Variants in NIPBL observed in about 807,000 individuals in gnomAD.
NIPBL encodes nipped-B-like protein.
A neutral mutation model predicts 321.8 loss-of-function variants in NIPBL; 19 were observed. The ratio of observed to expected loss-of-function variants is 0.06; its 90% CI spans 0.04 to 0.09. NIPBL has a LOEUF of 0.09. Among genes scored for constraint, NIPBL ranks in the 10% least tolerant of loss-of-function variants. The pLI is 1.00. For missense variants in NIPBL, 2,210 were observed against 3,327.0 expected (o/e 0.66, Z 8.26); for synonymous variants, 1,106 against 1,114.1 (o/e 0.99, Z 0.14).
In NIPBL at chr5:37,032,997, C is replaced by G. The variant is rs183393325; in HGVS notation, c.5863-3382C>G. ...AAAAAAATTTTATGCACCTTGATTA[C>G]TTCTTATTTATATTATAAGTGCATG... On this transcript the variant is annotated intron_variant, in intron 32 of 46. Coordinates refer to ENST00000282516, the MANE Select transcript of NIPBL (RefSeq NM_133433.4). Among the ~76,000 whole-genome samples, 1,044 of 152,238 alleles carry G rather than the reference C, an allele frequency of 6.9e-3. 9 individuals carry two copies. The highest frequency in any genetic ancestry group is 0.024 in the African/African-American group (985 of 41,546).
chr5:36,940,858 C>T (rs189871857), intron 1 of NIPBL, among the ~76,000 whole-genome samples: 65 of 152,110 alleles, frequency 4.3e-4, no homozygotes, highest in Non-Finnish European at 7.4e-4. Context: ...ATATGTTAAG[C>T]ACTATGTTAG....
chr5:37,050,720 C>T (rs1393528977), intron 40 of NIPBL, among the ~76,000 whole-genome samples: 3 of 152,074 alleles, frequency 2.0e-5, no homozygotes, highest in African/African-American at 4.8e-5. Context: ...CTTACAAAAC[C>T]GTAATATAAT....
chr5:37,024,828 C>G (rs868685604), intron 30 of NIPBL, 109 bp downstream of exon 30: 4 of 831,250 alleles, frequency 4.8e-6, no homozygotes, highest in Non-Finnish European at 7.3e-6. Flanking sequence ...TACAATGAAT[C>G]GTTTATAGTT....
At chr5:36,914,800 A>G (rs923624635) in intron 1 of NIPBL, among the ~76,000 whole-genome samples, 12 of 152,222 alleles carry the variant, frequency 7.9e-5, no homozygotes, top group Non-Finnish European at 1.3e-4. Flanking sequence ...AAAACTATAT[A>G]ATAAATGTAA....
chr5:36,938,550 T>G (rs1738712024), intron 1 of NIPBL, among the ~76,000 whole-genome samples: 1 of 152,152 alleles, frequency 6.6e-6, no homozygotes, highest in Admixed American at 6.5e-5. Context: ...GTAAAAACAT[T>G]TAAAACCTTA....
intron 10 of NIPBL, among the ~76,000 whole-genome samples, chr5:36,990,098 G>T (rs942312488): frequency 1.3e-5 from 2 of 151,980 alleles, no homozygotes; most frequent in South Asian, 4.1e-4. Flanking sequence ...CGTATTATTT[G>T]TTATTTGACA....
chr5:37,027,641 C>T (rs866643308), intron 32 of NIPBL, among the ~76,000 whole-genome samples: 2 of 112,208 alleles, frequency 1.8e-5, no homozygotes, highest in African/African-American at 3.6e-5. Context: ...GGTGGAGTCT[C>T]GCTCTCTCAC....
chr5:37,053,873 C>T (rs1372632533), intron 42 of NIPBL, among the ~76,000 whole-genome samples: 1 of 152,140 alleles, frequency 6.6e-6, no homozygotes, highest in African/African-American at 2.4e-5. Context: ...ACACAGAGCA[C>T]GCATGAACCT....
At chr5:37,058,798 T>C (rs1394488232) in intron 43 of NIPBL, 93 bp from the exon 44 acceptor site, 1 of 1,121,180 alleles carries the variant, frequency 8.9e-7, no homozygotes, top group African/African-American at 1.6e-5. Flanking sequence ...AATATTAGTT[T>C]AAGGAAGCTT....
chr5:36,981,289 G>C (rs1271791510), intron 9 of NIPBL, among the ~76,000 whole-genome samples: 1 of 151,594 alleles, frequency 6.6e-6, no homozygotes, highest in Non-Finnish European at 1.5e-5. Flanking sequence ...TTATAAGTAA[G>C]ATTAGAAAGT....
chr5:37,000,740 A>G lies in NIPBL; in HGVS notation c.3503-77A>G, dbSNP rs866323419. On this transcript the variant is annotated intron_variant, in intron 12 of 46. Coordinates refer to ENST00000282516, the MANE Select transcript of NIPBL (RefSeq NM_133433.4). ...ATCGTTTAAGTCTTTAACGTTCAGG[A>G]AAAAAACTAGAAACAAAAATGGAAT... The G allele has an allele frequency of 5.0e-6, 7 of 1,398,646 alleles. No homozygotes were observed. The Middle Eastern group carries it at 6.1e-4, about 122-fold the overall frequency. 86.6% of individuals were successfully genotyped at this position (1,398,646 alleles called of 1,614,324 possible).
intron 37 of NIPBL, 75 bp downstream of exon 37, chr5:37,045,672 A>G (rs1752900437): frequency 1.4e-6 from 2 of 1,463,780 alleles, no homozygotes; most frequent in African/African-American, 2.8e-5. Flanking sequence ...GACAGTAGTG[A>G]CCCAGGATGA....
intron 42 of NIPBL, among the ~76,000 whole-genome samples, chr5:37,054,201 A>AG (rs987158322): frequency 2.6e-5 from 4 of 151,782 alleles, no homozygotes; most frequent in African/African-American, 7.2e-5. Flanking sequence ...GTCTCAAAAA[A>AG]AAAAAAAAAA....
At chr5:37,015,365 C>G (rs1243880277) in intron 22 of NIPBL, among the ~76,000 whole-genome samples, 1 of 152,152 alleles carries the variant, frequency 6.6e-6, no homozygotes, top group Non-Finnish European at 1.5e-5. Context: ...CTCCGGTGAT[C>G]TGCCTGCCCT....
rs1307337952 is a variant in NIPBL, at chr5:37,063,846, T to G, written c.7917T>G (p.Val2639=). Residue 2639 remains valine (V), a synonymous_variant, in exon 46 of 47, where the codon GTT becomes GTG. Transcript: ENST00000282516. ...DPDEEEEEGE[V]SASTNARNKA... ...ATGAAGAAGAAGAAGAAGGGGAGGT[T>G]TCAGCTAGCACAAATGCTCGGAACA... 3.7e-6 allele frequency: 6 copies of G among 1,613,914 alleles called. No individual in the cohort carries two copies. The highest frequency in any genetic ancestry group is 4.2e-6 in the Non-Finnish European group (5 of 1,179,990).
intron 8 of NIPBL, among the ~76,000 whole-genome samples, chr5:36,973,749 G>A (rs1306724323): frequency 3.3e-5 from 5 of 152,096 alleles, no homozygotes; most frequent in African/African-American, 7.2e-5. Flanking sequence ...GATTACAGGC[G>A]TGAGCCACCA....
chr5:36,952,073 CATGTGTGTGTGT>C (rs1439176735), intron 1 of NIPBL, among the ~76,000 whole-genome samples: 1 of 122,680 alleles, frequency 8.2e-6, no homozygotes, highest in East Asian at 2.2e-4. Flanking sequence ...CGCGCGCGCG[CATGTGTGTGTGT>C]AGCAGTTTAA....
intron 10 of NIPBL, among the ~76,000 whole-genome samples, chr5:36,991,647 A>C (rs970958735): frequency 4.0e-5 from 6 of 150,818 alleles, no homozygotes; most frequent in Non-Finnish European, 7.4e-5. Context: ...GCCCCCACTT[A>C]CCTCTAATTG....
At chr5:37,060,108 G>A (rs897308777) in intron 44 of NIPBL, among the ~76,000 whole-genome samples, 1 of 152,200 alleles carries the variant, frequency 6.6e-6, no homozygotes, top group African/African-American at 2.4e-5. Flanking sequence ...TGTTGCCAAA[G>A]GAGAGGGTAG....
Sources: gnomAD v4.1 joint callset for allele counts (sites outside exome capture counted in the v4.1 genomes callset) on GRCh38, gnomAD v4.1.1 for gene constraint, MANE v1.5 for transcripts, NCBI Gene and HGNC (gene_info 2026-07-23, HGNC 2026-07-21) for gene names.